The following CCDC7 variants were observed in gnomAD, a reference collection of about 807,000 sequenced individuals.
CCDC7 encodes the protein coiled-coil domain-containing protein 7.
Under a neutral mutation model 196.9 loss-of-function variants are expected in CCDC7, and 183 were observed. That is an observed-to-expected ratio of 0.93 (90% confidence interval 0.82 to 1.05). CCDC7 has a LOEUF of 1.05. Among genes scored for constraint, CCDC7 ranks in the 50% least tolerant of loss-of-function variants. CCDC7 has a pLI of 0.00. For synonymous variants in CCDC7, 525 were observed against 484.6 expected (o/e 1.08, Z -1.10); for missense variants, 1,540 against 1,482.2 (o/e 1.04, Z -0.64).
In CCDC7 at chr10:32,518,505, G is replaced by A. The variant is rs745640164; in HGVS notation, c.993G>A (p.Glu331=). The change falls in exon 11 of 42, where the codon GAG becomes GAA. Residue 331 remains glutamate, a splice_region_variant and synonymous_variant. Transcript: ENST00000639629. ...AACTACAAAAGTTGAAGGACAAAGA[G>A]GTTGGAAAAATTTTAGTGTTTGAAA... is the stretch of plus-strand genomic sequence containing the variant. 1.4e-5 allele frequency: 23 copies of A among 1,602,192 alleles called. No individual in the cohort carries two copies. The Admixed American group carries it at 3.5e-4, about 24-fold the overall frequency.
At chr10:32,696,446 A>G (rs1477712074) in intron 24 of CCDC7, among the ~76,000 whole-genome samples, 1 of 151,964 alleles carries the variant, frequency 6.6e-6, no homozygotes, top group African/African-American at 2.4e-5. Context: ...CACTGGGGAC[A>G]TAGGGACATT....
chr10:32,628,852 G>A (rs1474488600), intron 18 of CCDC7, among the ~76,000 whole-genome samples: 2 of 152,048 alleles, frequency 1.3e-5, no homozygotes, highest in African/African-American at 4.8e-5. Flanking sequence ...ATATCATTGT[G>A]GTGAGTAAAG....
At chr10:32,758,725 T>C (rs1189400528) in intron 28 of CCDC7, among the ~76,000 whole-genome samples, 2 of 152,062 alleles carry the variant, frequency 1.3e-5, no homozygotes, top group Non-Finnish European at 2.9e-5. Flanking sequence ...CTATTCAACA[T>C]AGTGTTGAAA....
chr10:32,821,704 C>T lies in CCDC7; in HGVS notation c.3182-2814C>T, dbSNP rs191479471. On this transcript the variant is annotated intron_variant, in intron 31 of 41. Coordinates refer to ENST00000639629, the Ensembl canonical transcript of CCDC7. Reference sequence around the variant, plus strand: ...GAAATCATCATTCTCAGCAAACTATCGCAAGGCCAAAAAACCAAACACCAC... The same window carrying T: ...GAAATCATCATTCTCAGCAAACTATTGCAAGGCCAAAAAACCAAACACCAC... 2.0e-5 allele frequency among the ~76,000 whole-genome samples: 3 copies of T among 151,930 alleles called. No individual in the cohort carries two copies. In the East Asian group the frequency reaches 5.8e-4, roughly 29 times the overall value.
At chr10:32,477,080 C>T (rs183403088) in intron 8 of CCDC7, among the ~76,000 whole-genome samples, 6 of 151,298 alleles carry the variant, frequency 4.0e-5, no homozygotes, top group African/African-American at 1.2e-4. Context: ...TTTTATTTCA[C>T]GAATTGTGCT....
chr10:32,851,334 A>G (rs928853940), intron 39 of CCDC7, among the ~76,000 whole-genome samples: 3 of 152,128 alleles, frequency 2.0e-5, no homozygotes, highest in African/African-American at 7.2e-5. Context: ...TTGACACAGT[A>G]GTTCTTCAGG....
At chr10:32,509,803 C>T (rs1446209095) in intron 9 of CCDC7, among the ~76,000 whole-genome samples, 1 of 152,130 alleles carries the variant, frequency 6.6e-6, no homozygotes, top group African/African-American at 2.4e-5. Context: ...TATCACCAAT[C>T]ATCAGAGAAA....
rs190122366 is a variant in CCDC7, at chr10:32,737,733, A to G, written c.2905+8276A>G. Among the ~76,000 whole-genome samples the G allele has an allele frequency of 5.3e-5, 8 of 152,250 alleles. No homozygotes were observed. In the East Asian group the frequency reaches 1.5e-3, roughly 29 times the overall value. ...AGGTGCATACTTATTAAGTATTACT[A>G]TGTTTTCTTGAATAATGACCTTTTT... On this transcript the variant is annotated intron_variant, in intron 28 of 41. Transcript: ENST00000639629.
intron 28 of CCDC7, among the ~76,000 whole-genome samples, chr10:32,770,845 T>C (rs2079057604): frequency 6.6e-6 from 1 of 152,176 alleles, no homozygotes; most frequent in Admixed American, 6.6e-5. Flanking sequence ...ACCATCATTG[T>C]CTTTTTTTCT....
intron 23 of CCDC7, among the ~76,000 whole-genome samples, chr10:32,689,567 A>C (rs2076838557): frequency 6.6e-6 from 1 of 152,116 alleles, no homozygotes; most frequent in Non-Finnish European, 1.5e-5. Flanking sequence ...AACCTAGGGA[A>C]AGGTAACCTA....
chr10:32,776,664 A>G (rs1301865694), intron 28 of CCDC7, among the ~76,000 whole-genome samples: 2 of 152,352 alleles, frequency 1.3e-5, no homozygotes, highest in Non-Finnish European at 2.9e-5. Flanking sequence ...TAAATGAGAT[A>G]ATACTTCAAA....
intron 23 of CCDC7, 49 bp from the exon 25 acceptor site, chr10:32,694,830 C>T (rs765341641): frequency 3.7e-6 from 4 of 1,078,888 alleles, no homozygotes; most frequent in Non-Finnish European, 5.2e-6. Context: ...AGAGATTTCA[C>T]AGTAGGTCTG....
intron 20 of CCDC7, among the ~76,000 whole-genome samples, chr10:32,641,888 C>T (rs1286706350): frequency 6.6e-6 from 1 of 152,182 alleles, no homozygotes; most frequent in Non-Finnish European, 1.5e-5. Context: ...CCCTCAGCTG[C>T]AGGTCTGTTG....
chr10:32,706,385 T>A (rs926356013), intron 24 of CCDC7, among the ~76,000 whole-genome samples: 1 of 151,892 alleles, frequency 6.6e-6, no homozygotes, highest in African/African-American at 2.4e-5. Context: ...CTAAAATCGA[T>A]ACCCTAACAT....
At chr10:32,681,778 C>T (rs2075892111) in intron 21 of CCDC7, among the ~76,000 whole-genome samples, 1 of 145,068 alleles carries the variant, frequency 6.9e-6, no homozygotes. Context: ...CACACACACA[C>T]ACACACAGCT....
At chr10:32,555,303 T>G (rs190924614) in intron 13 of CCDC7, among the ~76,000 whole-genome samples, 1 of 151,508 alleles carries the variant, frequency 6.6e-6, no homozygotes, top group Admixed American at 6.6e-5. Context: ...CAGAGTGCAA[T>G]GGTGCGATCT....
intron 28 of CCDC7, among the ~76,000 whole-genome samples, chr10:32,760,407 A>G (rs1256857281): frequency 6.6e-6 from 1 of 152,008 alleles, no homozygotes; most frequent in South Asian, 2.1e-4. Flanking sequence ...ATGGAATACT[A>G]TGCAGCCATA....
At chr10:32,812,129 G>A (rs1445516868) in intron 30 of CCDC7, among the ~76,000 whole-genome samples, 1 of 151,948 alleles carries the variant, frequency 6.6e-6, no homozygotes, top group Non-Finnish European at 1.5e-5. Flanking sequence ...ATAAATCGCT[G>A]AGGTGATATT....
chr10:32,686,893 G>A (rs763359767), intron 22 of CCDC7, among the ~76,000 whole-genome samples: 2 of 152,190 alleles, frequency 1.3e-5, no homozygotes, highest in Admixed American at 6.5e-5. Flanking sequence ...CATCAACGTC[G>A]TAGAAGGTTA....
Sources: allele counts gnomAD v4.1 joint callset (sites outside exome capture counted in the v4.1 genomes callset), GRCh38; gene constraint gnomAD v4.1.1; transcripts MANE v1.5; gene names NCBI Gene and HGNC (gene_info 2026-07-23, HGNC 2026-07-21).